ERICH1: variants seen among roughly 807,000 people sequenced by gnomAD.
ERICH1 encodes glutamate-rich protein 1.
In ERICH1, 56 loss-of-function variants were observed where a neutral mutation model predicts 39.6. The observed-to-expected ratio is 1.41, with a 90% CI of 1.14 to 1.77. The LOEUF is 1.77. ERICH1 is among the 40% of genes most tolerant of loss of function. ERICH1 has a pLI of 0.00. For missense variants in ERICH1, 826 were observed against 575.4 expected, an observed-to-expected ratio of 1.44 and a Z score of -4.45; for synonymous variants, 313 against 223.6, an observed-to-expected ratio of 1.40 and a Z score of -3.57.
chr8:704,742 C>G (rs760121462), intron 2 of ERICH1, among the ~76,000 whole-genome samples: 17 of 152,180 alleles, frequency 1.1e-4, no homozygotes, highest in Admixed American at 5.9e-4. Context: ...GATTTAATCC[C>G]TTCCCTCCCT....
intron 3 of ERICH1, among the ~76,000 whole-genome samples, chr8:634,191 C>CAAACAAACA (rs1798250239): frequency 3.1e-5 from 4 of 129,838 alleles, no homozygotes; most frequent in South Asian, 2.5e-4. Flanking sequence ...AAAAAACAAA[C>CAAACAAACA]AAAAAAAACC....
At position 674,000 on chromosome 8, in the gene ERICH1, T is replaced by G. The variant is rs1204032282; in HGVS notation, c.352A>C (p.Lys118Gln). ...QPKRRRIRKH[K>Q]SKKKFKNPNN... ...GGATTTTTAAATTTTTTCTTTGATT[T>G]ATGCTTCCTAATTCTTCTTCTCTTT... Residue 118 changes from lysine to glutamine, a missense_variant, in exon 4 of 6, where the codon AAA becomes CAA. By Grantham distance (53) the Lys-to-Gln change is moderately conservative. Transcript: ENST00000262109. 1 of 1,581,364 alleles carries G rather than the reference T, an allele frequency of 6.3e-7. No individual in the cohort carries two copies. The highest frequency in any genetic ancestry group is 1.4e-5 in the African/African-American group (1 of 73,006).
chr8:708,918 C>G (rs1291825106), intron 2 of ERICH1, among the ~76,000 whole-genome samples: 3 of 151,748 alleles, frequency 2.0e-5, no homozygotes, highest in South Asian at 4.2e-4. Context: ...TGGTCTCCAA[C>G]TCCTAAGCTC....
intron 3 of ERICH1, among the ~76,000 whole-genome samples, chr8:683,062 A>G (rs943971792): frequency 1.3e-5 from 2 of 152,196 alleles, no homozygotes; most frequent in African/African-American, 4.8e-5. Flanking sequence ...TTTTGTAATA[A>G]CACCATAGAT....
intron 4 of ERICH1, among the ~76,000 whole-genome samples, chr8:670,259 A>G (rs979588616): frequency 6.6e-6 from 1 of 151,874 alleles, no homozygotes; most frequent in African/African-American, 2.4e-5. Flanking sequence ...AAATGCTCCA[A>G]TTTTTCCTTT....
intron 2 of ERICH1, among the ~76,000 whole-genome samples, chr8:693,743 C>G (rs868052365): frequency 3.3e-5 from 5 of 151,364 alleles, no homozygotes; most frequent in South Asian, 4.3e-4. Context: ...GCTGTGTGCC[C>G]CTCTGCGCAC....
intron 3 of ERICH1, among the ~76,000 whole-genome samples, chr8:679,149 G>A (rs373065033): frequency 2.9e-5 from 4 of 139,078 alleles, no homozygotes; most frequent in East Asian, 2.2e-4. Flanking sequence ...TCAAAGCTCC[G>A]GCCCCTCACA....
intron 2 of ERICH1, among the ~76,000 whole-genome samples, chr8:704,924 G>A (rs989926640): frequency 6.6e-6 from 1 of 152,144 alleles, no homozygotes; most frequent in South Asian, 2.1e-4. Context: ...AGAATTATTT[G>A]AATCTAAAAT....
chr8:686,345 A>C (rs1807365888), intron 3 of ERICH1, among the ~76,000 whole-genome samples: 1 of 152,254 alleles, frequency 6.6e-6, no homozygotes. Context: ...TTGCTTAGGA[A>C]TATGTGCCAA....
chr8:638,420 G>A (rs1036594560), intron 3 of ERICH1, among the ~76,000 whole-genome samples: 18 of 152,152 alleles, frequency 1.2e-4, no homozygotes, highest in Admixed American at 1.3e-4. Context: ...AGTGCGGTGG[G>A]CAGGTGGGCC....
intron 2 of ERICH1, among the ~76,000 whole-genome samples, chr8:704,297 G>A (rs115914814): frequency 0.02 from 2,991 of 152,270 alleles, 117 homozygotes; most frequent in African/African-American, 0.068. Context: ...GGAAGCCCCC[G>A]GGAGAGGTGA....
At chr8:708,680 A>AG (rs143708621) in intron 2 of ERICH1, among the ~76,000 whole-genome samples, 146 of 55,136 alleles carry the variant, frequency 2.6e-3, no homozygotes, top group African/African-American at 9.6e-3. Context: ...CGGGATAATG[A>AG]GTTTTTTTTT....
At chr8:634,192 A>AAACAAAC (rs1798250858) in intron 3 of ERICH1, among the ~76,000 whole-genome samples, 2 of 151,228 alleles carry the variant, frequency 1.3e-5, no homozygotes, top group South Asian at 4.2e-4. Context: ...AAAAACAAAC[A>AAACAAAC]AAAAAAACCC....
At chr8:635,151 C>T (rs1798327034) in intron 3 of ERICH1, among the ~76,000 whole-genome samples, 4 of 152,082 alleles carry the variant, frequency 2.6e-5, no homozygotes. Flanking sequence ...ATCTGCCTCT[C>T]CCTGTGACCA....
chr8:681,481 C>T (rs577055085), intron 3 of ERICH1, among the ~76,000 whole-genome samples: 3 of 152,268 alleles, frequency 2.0e-5, no homozygotes, highest in African/African-American at 4.8e-5. Context: ...GAAAACCTTC[C>T]TTGGGGATTG....
chr8:711,757 A>G (rs977775788), intron 2 of ERICH1, among the ~76,000 whole-genome samples: 1 of 152,222 alleles, frequency 6.6e-6, no homozygotes, highest in African/African-American at 2.4e-5. Context: ...TTGGCCTCCC[A>G]AAGTGCTGGG....
intron 3 of ERICH1, among the ~76,000 whole-genome samples, chr8:619,645 T>C (rs964284928): frequency 6.6e-6 from 1 of 152,158 alleles, no homozygotes; most frequent in Non-Finnish European, 1.5e-5. Flanking sequence ...TCTCTCAACT[T>C]CCTTAAAAGA....
chr8:664,310 T>C lies in ERICH1; in HGVS notation c.*293A>G, dbSNP rs537126113. The C allele has an allele frequency of 1.0e-5, 11 of 1,065,432 alleles. No individual in the cohort carries two copies. In the East Asian group the frequency reaches 7.1e-4, roughly 68 times the overall value. The allele number at this position is 1,065,432 out of a possible 1,614,324, so 66.0% of individuals were successfully genotyped here. On this transcript the variant is annotated 3_prime_UTR_variant, in exon 6 of 6. Coordinates refer to ENST00000262109, the MANE Select transcript of ERICH1 (RefSeq NM_207332.3). ...ATATATGAGCTTCAAACTATACATT[T>C]AACTTAACAGAATGTCCATTTTCAA... is the stretch of plus-strand genomic sequence containing the variant.
intron 3 of ERICH1, among the ~76,000 whole-genome samples, chr8:621,899 A>G (rs937193110): frequency 2.0e-5 from 3 of 152,240 alleles, no homozygotes; most frequent in Non-Finnish European, 4.4e-5. Context: ...TATCTAAAAC[A>G]ATTAGAGATT....
Sources: gnomAD v4.1 joint callset for allele counts (sites outside exome capture counted in the v4.1 genomes callset) on GRCh38, gnomAD v4.1.1 for gene constraint, MANE v1.5 for transcripts, NCBI Gene and HGNC (gene_info 2026-07-23, HGNC 2026-07-21) for gene names.